RANBP2: variants seen among roughly 807,000 people sequenced by gnomAD.
The protein encoded by RANBP2 is E3 SUMO-protein ligase RanBP2.
A neutral mutation model predicts 303.6 loss-of-function variants in RANBP2; 57 were observed. The observed-to-expected ratio is 0.19, with a 90% CI of 0.15 to 0.23. The LOEUF (loss-of-function observed/expected upper bound fraction) is 0.23, where lower values mean the gene tolerates loss of function less well. RANBP2 is among the 10% of genes least tolerant of loss of function. RANBP2 has a pLI of 1.00. For synonymous variants in RANBP2, 1,167 were observed against 1,301.5 expected, an observed-to-expected ratio of 0.90 and a Z score of 2.23; for missense variants, 3,138 against 3,780.8, an observed-to-expected ratio of 0.83 and a Z score of 4.46.
chr2:109,288,568 TCC>T, the RANBP2 span, among the ~76,000 whole-genome samples: 1 of 152,252 alleles, frequency 6.6e-6, no homozygotes, highest in Non-Finnish European at 1.5e-5. Flanking sequence ...CACCTCCATT[TCC>T]TTTCTGTTGA....
the RANBP2 span, among the ~76,000 whole-genome samples, chr2:109,361,391 T>C: frequency 1.3e-5 from 2 of 152,226 alleles, no homozygotes; most frequent in African/African-American, 2.4e-5. Flanking sequence ...TTGGTATAAT[T>C]TCTTCATTTA....
the RANBP2 span, among the ~76,000 whole-genome samples, chr2:109,093,321 C>A: frequency 6.6e-6 from 1 of 151,112 alleles, no homozygotes; most frequent in Non-Finnish European, 1.5e-5. Flanking sequence ...TATTAAGGTT[C>A]CCCACCCCCA....
the RANBP2 span, among the ~76,000 whole-genome samples, chr2:108,833,894 A>ATTTTTTTTTT: frequency 2.5e-5 from 2 of 79,242 alleles, no homozygotes; most frequent in Non-Finnish European, 4.5e-5. Context: ...CGCCCGGCTA[A>ATTTTTTTTTT]TTTTTTTTTT....
chr2:109,620,825 T>C, the RANBP2 span, among the ~76,000 whole-genome samples: 1 of 152,234 alleles, frequency 6.6e-6, no homozygotes, highest in Non-Finnish European at 1.5e-5. Context: ...GACTACTTAT[T>C]CTGTGAAATC....
the RANBP2 span, among the ~76,000 whole-genome samples, chr2:109,009,702 C>CTTTTT: frequency 1.9e-4 from 23 of 123,094 alleles, 2 homozygotes; most frequent in East Asian, 7.6e-4. Context: ...ACATTTTTAC[C>CTTTTT]TTTTTTTTGT....
the RANBP2 span, among the ~76,000 whole-genome samples, chr2:108,995,066 G>A: frequency 5.9e-5 from 9 of 152,072 alleles, no homozygotes; most frequent in African/African-American, 2.2e-4. Context: ...TCCTGACCTC[G>A]TGATCCACCC....
the RANBP2 span, among the ~76,000 whole-genome samples, chr2:109,694,168 C>T: frequency 6.6e-6 from 1 of 152,104 alleles, no homozygotes; most frequent in Admixed American, 6.6e-5. Flanking sequence ...GTGGATTTCT[C>T]ATGAATGGCT....
chr2:109,101,361 A>G, the RANBP2 span, among the ~76,000 whole-genome samples: 1 of 152,078 alleles, frequency 6.6e-6, no homozygotes, highest in Admixed American at 6.6e-5. Flanking sequence ...CCCCGTCTCT[A>G]CTGAAAATAC....
At chr2:109,072,880 A>G in the RANBP2 span, among the ~76,000 whole-genome samples, 2 of 152,124 alleles carry the variant, frequency 1.3e-5, no homozygotes, top group African/African-American at 4.8e-5. Flanking sequence ...TGGGGCCACC[A>G]AGAACAAGAA....
the RANBP2 span, among the ~76,000 whole-genome samples, chr2:109,654,495 T>C: frequency 5.3e-5 from 8 of 152,028 alleles, no homozygotes; most frequent in African/African-American, 1.9e-4. Context: ...CCTTCTTCAT[T>C]ACTACCATAT....
the RANBP2 span, among the ~76,000 whole-genome samples, chr2:109,217,498 G>A: frequency 6.6e-6 from 1 of 152,194 alleles, no homozygotes. Flanking sequence ...CTTAGTAATA[G>A]GAAGAAGTCA....
the RANBP2 span, chr2:109,449,157 A>G: frequency 1.2e-6 from 2 of 1,611,482 alleles, no homozygotes; most frequent in Admixed American, 1.7e-5. Flanking sequence ...TGTCTCTCCA[A>G]CCCCGTCTCC....
At chr2:108,797,961 GAT>G in the RANBP2 span, among the ~76,000 whole-genome samples, 1 of 74,032 alleles carries the variant, frequency 1.4e-5, no homozygotes, top group Non-Finnish European at 2.9e-5. Context: ...CACGGTGTGT[GAT>G]TTTTTTTTTT....
intron 4 of RANBP2, among the ~76,000 whole-genome samples, chr2:108,732,054 G>T (rs1695206552): frequency 6.6e-6 from 1 of 152,050 alleles, no homozygotes; most frequent in Non-Finnish European, 1.5e-5. Context: ...ACACAAATAT[G>T]TTTGGCAAAC....
the RANBP2 span, among the ~76,000 whole-genome samples, chr2:109,480,523 G>A: frequency 6.6e-6 from 1 of 152,160 alleles, no homozygotes; most frequent in Non-Finnish European, 1.5e-5. Context: ...ACATCAGACT[G>A]GCTGAATTAG....
the RANBP2 span, chr2:108,883,670 G>A: frequency 2.0e-5 from 3 of 152,230 alleles, no homozygotes; most frequent in African/African-American, 2.4e-5. Flanking sequence ...ATGCTCACTC[G>A]AGTGGGCTTC....
the RANBP2 span, among the ~76,000 whole-genome samples, chr2:109,282,395 A>T: frequency 6.6e-6 from 1 of 152,184 alleles, no homozygotes; most frequent in Non-Finnish European, 1.5e-5. Context: ...ATACCAAAAC[A>T]TGGGTGTGAA....
the RANBP2 span, among the ~76,000 whole-genome samples, chr2:109,264,033 A>T: frequency 4.2e-4 from 64 of 152,330 alleles, 1 homozygote; most frequent in African/African-American, 1.4e-3. Context: ...CAGAAGCCCT[A>T]CATGGTTTGC....
At chr2:109,057,199 T>C in the RANBP2 span, among the ~76,000 whole-genome samples, 1 of 151,574 alleles carries the variant, frequency 6.6e-6, no homozygotes, top group Non-Finnish European at 1.5e-5. Flanking sequence ...TAATTAGTCC[T>C]CTTAATCTTC....
Sources: allele counts gnomAD v4.1 joint callset (sites outside exome capture counted in the v4.1 genomes callset), GRCh38; gene constraint gnomAD v4.1.1; transcripts MANE v1.5; gene names NCBI Gene and HGNC (gene_info 2026-07-23, HGNC 2026-07-21).